UTP20: variants seen among roughly 807,000 people sequenced by gnomAD.
UTP20 encodes the protein small subunit processome component 20 homolog.
In UTP20, 164 loss-of-function variants were observed where a neutral mutation model predicts 329.5. That is an observed-to-expected ratio of 0.50 (90% CI 0.44 to 0.57). The LOEUF is 0.57. UTP20 is among the 20% of genes least tolerant of loss of function. UTP20 has a pLI of 0.00. For missense variants in UTP20, 3,055 were observed against 3,284.2 expected, an observed-to-expected ratio of 0.93 and a Z score of 1.71; for synonymous variants, 1,151 against 1,159.3, an observed-to-expected ratio of 0.99 and a Z score of 0.14.
chr12:101,374,018 G>A (rs12823629), intron 54 of UTP20, among the ~76,000 whole-genome samples: 19,872 of 151,906 alleles, frequency 0.13, 1,492 homozygotes, highest in Middle Eastern at 0.24. Context: ...GGCGGATCAC[G>A]AGGTCAGGAG....
intron 29 of UTP20, among the ~76,000 whole-genome samples, chr12:101,335,546 C>T (rs560181335): frequency 6.6e-6 from 1 of 152,338 alleles, no homozygotes; most frequent in Non-Finnish European, 1.5e-5. Flanking sequence ...GAAAACCTCA[C>T]AAGCTTTCTA....
chr12:101,311,646 T>C (rs1872792672), intron 19 of UTP20, 73 bp from the exon 20 acceptor site: 2 of 1,289,690 alleles, frequency 1.6e-6, no homozygotes, highest in Non-Finnish European at 2.1e-6. Context: ...TTTCACTCTT[T>C]TTTTTTTTTC....
At position 101,312,172 on chromosome 12, in the gene UTP20, C is replaced by G. The variant is rs774725398; in HGVS notation, c.2448C>G (p.Asp816Glu). The change falls in exon 21 of 62, where the codon GAC becomes GAG. Residue 816 changes from aspartate (D) to glutamate (E), a missense_variant. This residue lies in a region of UTP20 where 2,445 missense variants were observed against 2,575.5 expected (regional missense o/e 0.95). Coordinates refer to ENST00000261637, the MANE Select transcript of UTP20 (RefSeq NM_014503.3). The stretch of plus-strand genomic sequence containing the variant: ...AAACTGACTGTCAGGAAAGACTTGA[C>G]CACACCAACTTCAGATTCCTGCTCT... The part of the protein sequence containing the change: ...ALKTDCQERL[D>E]HTNFRFLLWR... The G allele has an allele frequency of 1.2e-6, 2 of 1,614,188 alleles. No individual in the cohort carries two copies. Among genetic ancestry groups the G allele is most frequent in the Non-Finnish European group, 1.7e-6 (2 of 1,180,034 alleles).
intron 24 of UTP20, among the ~76,000 whole-genome samples, 196 bp downstream of exon 24, chr12:101,321,133 T>G (rs1408453956): frequency 6.6e-6 from 1 of 152,210 alleles, no homozygotes; most frequent in African/African-American, 2.4e-5. Context: ...AAATAGAGAA[T>G]GTTAATTTTA....
intron 21 of UTP20, among the ~76,000 whole-genome samples, chr12:101,316,499 C>G (rs1201260746): frequency 6.6e-6 from 1 of 152,162 alleles, no homozygotes; most frequent in Non-Finnish European, 1.5e-5. Flanking sequence ...TTATTAAGTG[C>G]TAGATTCTGC....
chr12:101,284,413 G>A (rs930975435), intron 2 of UTP20, among the ~76,000 whole-genome samples: 1 of 152,078 alleles, frequency 6.6e-6, no homozygotes, highest in African/African-American at 2.4e-5. Flanking sequence ...TGCTGCAAAG[G>A]ACACGATTTC....
chr12:101,372,449 A>G (rs1565807675), intron 51 of UTP20, among the ~76,000 whole-genome samples: 1 of 152,372 alleles, frequency 6.6e-6, no homozygotes, highest in East Asian at 1.9e-4. Context: ...CTTGGCACAT[A>G]GAGGGTTTTT....
chr12:101,342,375 A>T, intron 32 of UTP20, 71 bp from the exon 33 acceptor site: 1 of 1,242,626 alleles, frequency 8.0e-7, no homozygotes, highest in Middle Eastern at 2.3e-4. Context: ...CTATGCTATA[A>T]TATATTAAAG....
intron 25 of UTP20, among the ~76,000 whole-genome samples, chr12:101,324,373 G>A (rs1868486163): frequency 6.6e-6 from 1 of 151,894 alleles, no homozygotes; most frequent in Admixed American, 6.6e-5. Flanking sequence ...ATGTACCTGG[G>A]ACTACAGGCA....
Position 101,329,395 on chromosome 12 carries a change from G to A in UTP20, c.3363G>A (p.Gln1121=). 6.2e-7 allele frequency: 1 copy of A among 1,614,116 alleles called. No homozygotes were observed. Among genetic ancestry groups the A allele is most frequent in the Non-Finnish European group, 8.5e-7 (1 of 1,180,026 alleles). The part of the protein sequence containing the change: ...LISAYLPKIL[Q]ILLCMTATVS... ...GCGCATACCTGCCGAAGATTTTGCA[G>A]ATACTGCTCTGTATGACAGCAACCG... The change falls in exon 27 of 62, where the codon CAG becomes CAA. Residue 1121 remains glutamine (Q), a synonymous_variant. Coordinates refer to ENST00000261637, the MANE Select transcript of UTP20 (RefSeq NM_014503.3).
At chr12:101,343,173 T>A in intron 35 of UTP20, 80 bp downstream of exon 35, 1 of 1,022,406 alleles carries the variant, frequency 9.8e-7, no homozygotes, top group Non-Finnish European at 1.3e-6. Flanking sequence ...ACCTGATCTT[T>A]AAATTTGTTT....
intron 29 of UTP20, among the ~76,000 whole-genome samples, chr12:101,335,263 A>G (rs568382712): frequency 6.9e-6 from 1 of 145,818 alleles, no homozygotes; most frequent in South Asian, 2.1e-4. Context: ...AGTATGTATT[A>G]CAGCTAAAAC....
chr12:101,373,395 C>T lies in UTP20; in HGVS notation c.6879-6C>T, dbSNP rs773609014. ...CTAACAAATCCACCTAATGTCCTTC[C>T]CCTAGTTACGAACATGAGACCGGGA... On this transcript the variant is annotated splice_region_variant and splice_polypyrimidine_tract_variant and intron_variant, in intron 52 of 61. Transcript: ENST00000261637. 1.2e-6 allele frequency: 2 copies of T among 1,612,958 alleles called. No homozygotes were observed. Among genetic ancestry groups the T allele is most frequent in the Non-Finnish European group, 1.7e-6 (2 of 1,179,074 alleles).
At chr12:101,289,066 G>C (rs1361966268) in intron 6 of UTP20, 25 bp downstream of exon 6, 2 of 1,587,930 alleles carry the variant, frequency 1.3e-6, no homozygotes, top group Non-Finnish European at 1.7e-6. Flanking sequence ...TTATCTGTTT[G>C]TTGCTAATCA....
intron 19 of UTP20, among the ~76,000 whole-genome samples, chr12:101,310,765 C>G (rs1052589369): frequency 6.6e-6 from 1 of 151,968 alleles, no homozygotes; most frequent in African/African-American, 2.4e-5. Context: ...AGAGAGTTAA[C>G]ATTTATAGAC....
chr12:101,286,586 C>A, intron 5 of UTP20, 77 bp downstream of exon 5: 1 of 1,236,672 alleles, frequency 8.1e-7, no homozygotes, highest in Non-Finnish European at 1.1e-6. Flanking sequence ...CTCCAAACCA[C>A]TTTGCCAGCT....
At chr12:101,374,032 G>A (rs1870390043) in intron 54 of UTP20, among the ~76,000 whole-genome samples, 1 of 151,948 alleles carries the variant, frequency 6.6e-6, no homozygotes, top group South Asian at 2.1e-4. Context: ...TCAGGAGATC[G>A]AGACCATCCC....
At chr12:101,351,494 T>C (rs908598179) in intron 38 of UTP20, among the ~76,000 whole-genome samples, 3 of 151,624 alleles carry the variant, frequency 2.0e-5, no homozygotes, top group Non-Finnish European at 2.9e-5. Context: ...TTTTTCATCA[T>C]GGCCTGAAAG....
chr12:101,294,097 A>G (rs1368108645), intron 11 of UTP20, among the ~76,000 whole-genome samples: 2 of 150,284 alleles, frequency 1.3e-5, no homozygotes, highest in East Asian at 2.0e-4. Context: ...GTGCAGTGGC[A>G]TGATCTCGGC....
Sources: allele counts gnomAD v4.1 joint callset (sites outside exome capture counted in the v4.1 genomes callset), GRCh38; gene constraint gnomAD v4.1.1; regional missense constraint gnomAD v4.1.1; transcripts MANE v1.5; gene names NCBI Gene and HGNC (gene_info 2026-07-23, HGNC 2026-07-21).